MACROD2: variants seen among roughly 807,000 people sequenced by gnomAD.
MACROD2 encodes the protein mono-ADP ribosylhydrolase 2.
MACROD2 carries 36 observed loss-of-function variants against 70.4 expected under a neutral mutation model. The observed-to-expected ratio is 0.51, with a 90% confidence interval of 0.39 to 0.68. The LOEUF is 0.68. Ranked by LOEUF, MACROD2 falls within the 30% of genes least tolerant of loss-of-function variation. MACROD2 has a pLI of 0.00. For missense variants in MACROD2, 496 were observed against 538.4 expected (o/e 0.92, Z 0.78); for synonymous variants, 172 against 178.8 (o/e 0.96, Z 0.30).
At chr20:14,054,552 C>T (rs960457291) in intron 2 of MACROD2, among the ~76,000 whole-genome samples, 7 of 151,854 alleles carry the variant, frequency 4.6e-5, no homozygotes, top group African/African-American at 1.7e-4. Flanking sequence ...TTTTAAACTC[C>T]CCAAGTTTAA....
intron 5 of MACROD2, among the ~76,000 whole-genome samples, chr20:14,844,181 C>T (rs62204800): frequency 6.6e-6 from 1 of 151,884 alleles, no homozygotes; most frequent in South Asian, 2.1e-4. Context: ...TCCATATTCT[C>T]TTCATAGTAA....
chr20:14,417,673 G>T (rs1354935480), intron 3 of MACROD2, among the ~76,000 whole-genome samples: 1 of 152,190 alleles, frequency 6.6e-6, no homozygotes, highest in Non-Finnish European at 1.5e-5. Context: ...AGACCTTGAA[G>T]TCTGAACTTT....
intron 8 of MACROD2, among the ~76,000 whole-genome samples, chr20:15,841,405 A>G (rs1442735523): frequency 6.6e-6 from 1 of 152,150 alleles, no homozygotes; most frequent in African/African-American, 2.4e-5. Flanking sequence ...AAAATTCTGT[A>G]AGCTGTGCAG....
intron 8 of MACROD2, among the ~76,000 whole-genome samples, chr20:15,777,438 GT>G (rs199861027): frequency 0.32 from 45,634 of 142,530 alleles, 8,055 homozygotes; most frequent in East Asian, 0.52. Flanking sequence ...TGAGAGACAT[GT>G]TTTTTTTTTT....
intron 6 of MACROD2, among the ~76,000 whole-genome samples, chr20:15,279,600 A>G (rs2077425335): frequency 6.6e-6 from 1 of 152,236 alleles, no homozygotes; most frequent in Admixed American, 6.5e-5. Flanking sequence ...ATGAGTTCAT[A>G]TAGCAATTCC....
chr20:15,058,817 A>G (rs552630333), intron 5 of MACROD2, among the ~76,000 whole-genome samples: 34 of 152,332 alleles, frequency 2.2e-4, no homozygotes, highest in African/African-American at 7.5e-4. Flanking sequence ...AGTACATTAA[A>G]AAAATTATAT....
chr20:15,469,716 C>T (rs2046940276), intron 7 of MACROD2, among the ~76,000 whole-genome samples: 1 of 152,172 alleles, frequency 6.6e-6, no homozygotes, highest in South Asian at 2.1e-4. Flanking sequence ...AGGATACATT[C>T]AAGATGGAGA....
At position 15,206,721 on chromosome 20, in the gene MACROD2, G is replaced by GTTTTTTTTTTTTTTTTTTTTTTTTTTT. The variant is rs56752104; in HGVS notation, c.419-23193_419-23192insTTTTTTTTTTTTTTTTTTTTTTTTTTT. On this transcript the variant is annotated intron_variant, in intron 5 of 17. Coordinates refer to ENST00000684519, the MANE Select transcript of MACROD2 (RefSeq NM_001351661.2). ...GCATGAAGTCTTTCATATTATCTAT[G>GTTTTTTTTTTTTTTTTTTTTTTTTTTT]TTTTTTTTTTTTTTTTTTTTTTTTT... Among the ~76,000 whole-genome samples the GTTTTTTTTTTTTTTTTTTTTTTTTTTT allele has an allele frequency of 1.5e-3, 51 of 33,000 alleles. 21 individuals are homozygous for GTTTTTTTTTTTTTTTTTTTTTTTTTTT. Among genetic ancestry groups the GTTTTTTTTTTTTTTTTTTTTTTTTTTT allele is most frequent in the Non-Finnish European group, 2.1e-3 (41 of 19,670 alleles). 21.6% of individuals were successfully genotyped at this position (33,000 alleles called of 152,430 possible). A position where few individuals can be genotyped will look rare whatever the true frequency, so the allele number is the denominator to read the frequency against.
At chr20:15,387,015 T>G (rs752084487) in intron 6 of MACROD2, among the ~76,000 whole-genome samples, 74 of 152,108 alleles carry the variant, frequency 4.9e-4, no homozygotes, top group Non-Finnish European at 5.7e-4. Flanking sequence ...AAAAAAGTAT[T>G]CAGCACAGTG....
intron 5 of MACROD2, among the ~76,000 whole-genome samples, chr20:15,063,703 G>A (rs1460551809): frequency 5.9e-5 from 9 of 152,202 alleles, no homozygotes; most frequent in Admixed American, 1.3e-4. Context: ...CTCACCATGT[G>A]TGTATAGAAA....
chr20:15,206,000 C>T (rs1055045127), intron 5 of MACROD2, among the ~76,000 whole-genome samples: 1 of 152,136 alleles, frequency 6.6e-6, no homozygotes, highest in Non-Finnish European at 1.5e-5. Flanking sequence ...AGTCCCCCAG[C>T]AGGTATAAAT....
At chr20:14,093,944 A>T (rs1302292385) in intron 3 of MACROD2, among the ~76,000 whole-genome samples, 3 of 151,968 alleles carry the variant, frequency 2.0e-5, no homozygotes, top group Non-Finnish European at 4.4e-5. Context: ...AGGCCAGATC[A>T]TGAAGTGCTT....
At chr20:14,736,683 T>C (rs1306997173) in intron 5 of MACROD2, among the ~76,000 whole-genome samples, 2 of 152,154 alleles carry the variant, frequency 1.3e-5, no homozygotes, top group Non-Finnish European at 2.9e-5. Flanking sequence ...TTAATCATCA[T>C]GACGACTCTC....
At chr20:16,044,804 C>T (rs1362461615) in intron 17 of MACROD2, among the ~76,000 whole-genome samples, 165 bp downstream of exon 17, 1 of 152,104 alleles carries the variant, frequency 6.6e-6, no homozygotes, top group African/African-American at 2.4e-5. Context: ...GGGAAACGAT[C>T]ACCCCTAGAA....
At chr20:14,943,326 T>TA (rs1214260727) in intron 5 of MACROD2, among the ~76,000 whole-genome samples, 1 of 152,176 alleles carries the variant, frequency 6.6e-6, no homozygotes, top group East Asian at 1.9e-4. Flanking sequence ...TTGAGCAACA[T>TA]ACCTTTTTTA....
At chr20:15,169,607 C>T (rs2076409172) in intron 5 of MACROD2, among the ~76,000 whole-genome samples, 1 of 152,176 alleles carries the variant, frequency 6.6e-6, no homozygotes, top group Admixed American at 6.5e-5. Flanking sequence ...AGGAAATTGT[C>T]TAGTTTTCTC....
intron 5 of MACROD2, among the ~76,000 whole-genome samples, chr20:14,719,987 C>T (rs917932554): frequency 1.3e-5 from 2 of 152,100 alleles, no homozygotes; most frequent in African/African-American, 4.8e-5. Flanking sequence ...GGAATTTCAC[C>T]TTTTATCTTC....
intron 8 of MACROD2, among the ~76,000 whole-genome samples, chr20:15,519,181 G>A (rs780548608): frequency 2.2e-4 from 34 of 151,308 alleles, no homozygotes; most frequent in Non-Finnish European, 4.1e-4. Context: ...CACGACCTCG[G>A]CTCACTGCAA....
At chr20:14,797,331 G>T (rs59030889) in intron 5 of MACROD2, among the ~76,000 whole-genome samples, 10,704 of 151,858 alleles carry the variant, frequency 0.07, 499 homozygotes, top group African/African-American at 0.12. Flanking sequence ...ATTGCCTTTG[G>T]GATCATGACC....
Sources: allele counts gnomAD v4.1 joint callset (sites outside exome capture counted in the v4.1 genomes callset), GRCh38; gene constraint gnomAD v4.1.1; transcripts MANE v1.5; gene names NCBI Gene and HGNC (gene_info 2026-07-23, HGNC 2026-07-21).